RPS20: variants seen among roughly 807,000 people sequenced by gnomAD.
The protein encoded by RPS20 is ribosomal protein S20, also known as small ribosomal subunit protein uS10.
A neutral mutation model predicts 15.3 loss-of-function variants in RPS20; 3 were observed. That is an observed-to-expected ratio of 0.20 (90% confidence interval 0.09 to 0.51). The LOEUF (loss-of-function observed/expected upper bound fraction) is 0.51, where lower values mean the gene tolerates loss of function less well. Ranked by LOEUF, RPS20 falls within the 20% of genes least tolerant of loss-of-function variation. RPS20 has a pLI of 0.96. For synonymous variants in RPS20, 62 were observed against 47.8 expected, an observed-to-expected ratio of 1.30 and a Z score of -1.23; for missense variants, 67 against 145.9, an observed-to-expected ratio of 0.46 and a Z score of 2.79.
chr8:56,074,330 C>T (rs1260853472), intron 1 of RPS20, 51 bp downstream of exon 1: 2 of 1,547,168 alleles, frequency 1.3e-6, no homozygotes, highest in Non-Finnish European at 1.7e-6. Context: ...CCGGGGTCCC[C>T]CCGGCGCCCG....
chr8:56,073,672 C>T lies in RPS20; in HGVS notation c.177+23G>A, dbSNP rs765203291. The T allele has an allele frequency of 5.6e-6, 9 of 1,603,376 alleles. No homozygotes were observed. The East Asian group carries it at 1.1e-4, about 20-fold the overall frequency. Reference sequence around the variant, plus strand: ...CAACATCCGGAAGCAACTCCTACTTCCTGCCCCTCCGATTTACTTTACCTT... The same window carrying T: ...CAACATCCGGAAGCAACTCCTACTTTCTGCCCCTCCGATTTACTTTACCTT... On this transcript the variant is annotated intron_variant, in intron 3 of 3. Transcript: ENST00000009589.
chr8:56,067,556 G>A (rs1441468840), exon 6 of RPS20: 2 of 152,026 alleles, frequency 1.3e-5, no homozygotes, highest in African/African-American at 4.8e-5. Flanking sequence ...TTTAGTGGTG[G>A]GCGCCTGTAG....
At chr8:56,071,042 A>AT (rs2129212573), downstream of RPS20, among the ~76,000 whole-genome samples, 1 of 152,346 alleles carries the variant, frequency 6.6e-6, no homozygotes, top group South Asian at 2.1e-4. Flanking sequence ...GAAATTGAAG[A>AT]TAACAGCAGT....
In RPS20 at chr8:56,074,462, G is replaced by T. The variant is rs1010469645; in HGVS notation, c.-79C>A. 1 of 1,498,040 alleles carries T rather than the reference G, an allele frequency of 6.7e-7. No homozygotes were observed. The highest frequency in any genetic ancestry group is 2.1e-5 in the Admixed American group (1 of 48,474). 92.8% of individuals were successfully genotyped at this position (1,498,040 alleles called of 1,614,324 possible). On this transcript the variant is annotated 5_prime_UTR_variant, in exon 1 of 4. Coordinates refer to ENST00000009589, the MANE Select transcript of RPS20 (RefSeq NM_001023.4). ...CGGTGAGTCAGGAGCAGGAGCGTGC[G>T]GACCAAAAATCCTCAGCCCTTACGA...
intron 1 of RPS20, 65 bp from the exon 2 acceptor site, chr8:56,074,224 A>G: frequency 6.6e-7 from 1 of 1,523,510 alleles, no homozygotes. Context: ...GGAGAAAGGC[A>G]GCTTCCGGAA....
At chr8:56,070,027 A>G (rs1038685447), downstream of RPS20, among the ~76,000 whole-genome samples, 5 of 152,312 alleles carry the variant, frequency 3.3e-5, no homozygotes, top group East Asian at 7.7e-4. Context: ...ATGCCATTTT[A>G]TATCAGGGAC....
rs1394044739 is a variant in RPS20 at position 56,073,677 on chromosome 8, C to T, written c.177+18G>A. 11 of 1,606,860 alleles carry T rather than the reference C, an allele frequency of 6.8e-6. No individual in the cohort carries two copies. The highest frequency in any genetic ancestry group is 2.2e-5 in the East Asian group (1 of 44,876). Reference sequence around the variant, plus strand: ...TCCGGAAGCAACTCCTACTTCCTGCCCCTCCGATTTACTTTACCTTGGTAG... The same window carrying T: ...TCCGGAAGCAACTCCTACTTCCTGCTCCTCCGATTTACTTTACCTTGGTAG... On this transcript the variant is annotated intron_variant, in intron 3 of 3. Coordinates refer to ENST00000009589, the MANE Select transcript of RPS20 (RefSeq NM_001023.4).
chr8:56,069,753 C>T (rs1048664581), downstream of RPS20: 1 of 1,551,608 alleles, frequency 6.4e-7, no homozygotes, highest in Admixed American at 2.0e-5. Flanking sequence ...AAGGACATGT[C>T]CCCGGGGATT....
chr8:56,073,577 T>A (rs971918501), intron 3 of RPS20, 118 bp downstream of exon 3: 10 of 812,720 alleles, frequency 1.2e-5, no homozygotes, highest in Non-Finnish European at 2.2e-5. Flanking sequence ...CCGATTTCTA[T>A]GTGCGTTTGT....
At chr8:56,074,200 G>T in intron 1 of RPS20, 41 bp from the exon 2 acceptor site, 9 of 1,568,348 alleles carry the variant, frequency 5.7e-6, no homozygotes, top group Non-Finnish European at 7.8e-6. Flanking sequence ...AGCCAAAAAT[G>T]GTCTGCCACT....
At chr8:56,074,326 T>TC in intron 1 of RPS20, 55 bp downstream of exon 1, 7 of 1,543,486 alleles carry the variant, frequency 4.5e-6, no homozygotes, top group Admixed American at 3.8e-5. Context: ...GAAACCGGGG[T>TC]CCCCCCGGCG....
At chr8:56,072,538 C>A (rs1809792419), downstream of RPS20, among the ~76,000 whole-genome samples, 2 of 144,582 alleles carry the variant, frequency 1.4e-5, no homozygotes, top group African/African-American at 2.6e-5. Flanking sequence ...GGCCACAGAG[C>A]AAAACGCCGT....
downstream of RPS20, among the ~76,000 whole-genome samples, chr8:56,070,612 T>G (rs529524928): frequency 3.9e-5 from 6 of 151,940 alleles, no homozygotes; most frequent in East Asian, 1.2e-3. Context: ...GAGCCTGTAG[T>G]CCCAGCTACT....
chr8:56,074,169 G>C lies in RPS20; in HGVS notation c.4-10C>G. 6.2e-7 allele frequency: 1 copy of C among 1,605,742 alleles called. No homozygotes were observed. The highest frequency in any genetic ancestry group is 8.5e-7 in the Non-Finnish European group (1 of 1,176,514). On this transcript the variant is annotated splice_polypyrimidine_tract_variant and intron_variant, in intron 1 of 3. Coordinates refer to ENST00000009589, the MANE Select transcript of RPS20 (RefSeq NM_001023.4). ...CGGTATCCTTAAAAGCCTATTATTAGATACATGAAAAAGAACAATAAGCCA... is the reference window on the plus strand; with the variant it reads ...CGGTATCCTTAAAAGCCTATTATTACATACATGAAAAAGAACAATAAGCCA...
chr8:56,070,835 T>C (rs1269508292), downstream of RPS20, among the ~76,000 whole-genome samples: 1 of 152,148 alleles, frequency 6.6e-6, no homozygotes, highest in Non-Finnish European at 1.5e-5. Flanking sequence ...CCAGAAGCAG[T>C]GCTCTGCAAA....
At chr8:56,072,571 T>G (rs560771032), downstream of RPS20, among the ~76,000 whole-genome samples, 726 of 140,564 alleles carry the variant, frequency 5.2e-3, 8 homozygotes, top group African/African-American at 0.017. Context: ...AAAAAAAAAG[T>G]GAAAATTTTA....
At chr8:56,073,627 T>G in intron 3 of RPS20, 68 bp downstream of exon 3, 1 of 1,381,054 alleles carries the variant, frequency 7.2e-7, no homozygotes, top group Non-Finnish European at 1.0e-6. Flanking sequence ...GCCGAACTCC[T>G]TAAAGAACCT....
exon 6 of RPS20, chr8:56,067,497 A>C (rs550465011): frequency 6.6e-6 from 1 of 152,296 alleles, no homozygotes; most frequent in African/African-American, 2.4e-5. Flanking sequence ...CATCCTCATT[A>C]ACATGGTGAA....
intron 2 of RPS20, 96 bp downstream of exon 2, chr8:56,073,964 A>T: frequency 2.6e-6 from 3 of 1,174,002 alleles, no homozygotes; most frequent in Non-Finnish European, 3.9e-6. Flanking sequence ...TTGTCACTTT[A>T]GTTCTTGCAG....
Sources: allele counts gnomAD v4.1 joint callset (sites outside exome capture counted in the v4.1 genomes callset), GRCh38; gene constraint gnomAD v4.1.1; transcripts MANE v1.5; gene names NCBI Gene and HGNC (gene_info 2026-07-23, HGNC 2026-07-21).